The following CALN1 variants were observed in gnomAD, a reference collection of about 807,000 sequenced individuals.
The protein encoded by CALN1 is calneuron 1.
CALN1 carries 17 observed loss-of-function variants against 30.6 expected under a neutral mutation model. The observed-to-expected ratio is 0.56, with a 90% CI of 0.38 to 0.83. CALN1 has a LOEUF of 0.83. CALN1 is among the 40% of genes least tolerant of loss of function. CALN1 has a pLI of 0.00. For missense variants in CALN1, 291 were observed against 354.9 expected (o/e 0.82, Z 1.45); for synonymous variants, 156 against 131.4 (o/e 1.19, Z -1.28).
At chr7:72,298,580 A>G (rs1799027844) in intron 2 of CALN1, among the ~76,000 whole-genome samples, 1 of 152,140 alleles carries the variant, frequency 6.6e-6, no homozygotes, top group Non-Finnish European at 1.5e-5. Context: ...TTCTTGGTAG[A>G]CGTTCTGTAA....
chr7:72,327,781 T>C (rs1253269969), intron 2 of CALN1, among the ~76,000 whole-genome samples: 2 of 152,226 alleles, frequency 1.3e-5, no homozygotes, highest in Non-Finnish European at 2.9e-5. Flanking sequence ...GTATAAATTA[T>C]GCTTTCAGTA....
chr7:72,013,546 C>A (rs535175392), intron 5 of CALN1, among the ~76,000 whole-genome samples: 14 of 152,108 alleles, frequency 9.2e-5, no homozygotes, highest in South Asian at 6.3e-4. Flanking sequence ...GATACCATGC[C>A]CAGACTAATT....
intron 3 of CALN1, among the ~76,000 whole-genome samples, chr7:72,188,043 C>G (rs1790326683): frequency 1.3e-5 from 2 of 152,116 alleles, no homozygotes; most frequent in Admixed American, 6.6e-5. Flanking sequence ...ACTAGGACGG[C>G]CACTATGGAA....
chr7:72,065,922 A>G (rs1213343980), intron 4 of CALN1, among the ~76,000 whole-genome samples: 1 of 152,092 alleles, frequency 6.6e-6, no homozygotes, highest in Non-Finnish European at 1.5e-5. Context: ...AAAAAAAGAA[A>G]CAGCAAGGAT....
intron 6 of CALN1, among the ~76,000 whole-genome samples, chr7:71,793,613 C>G (rs10241320): frequency 6.6e-6 from 1 of 151,538 alleles, no homozygotes; most frequent in African/African-American, 2.4e-5. Context: ...GGCTCACACC[C>G]GTAATCCCAG....
chr7:71,888,834 G>A (rs1793072934), intron 5 of CALN1, among the ~76,000 whole-genome samples: 1 of 152,156 alleles, frequency 6.6e-6, no homozygotes, highest in African/African-American at 2.4e-5. Flanking sequence ...AGAGCTTGGG[G>A]TGGGGTGCTT....
the CALN1 span, among the ~76,000 whole-genome samples, chr7:72,470,992 G>A: frequency 6.6e-6 from 1 of 152,184 alleles, no homozygotes. Context: ...GTCTTGCTCT[G>A]TGGCCCAGGC....
intron 5 of CALN1, among the ~76,000 whole-genome samples, chr7:71,898,100 T>C (rs1301296313): frequency 3.0e-5 from 4 of 131,344 alleles, no homozygotes; most frequent in Non-Finnish European, 6.3e-5. Flanking sequence ...TAAAGAAAAA[T>C]AGTTGGATCA....
chr7:72,363,627 T>C (rs563447711), intron 2 of CALN1, among the ~76,000 whole-genome samples: 100 of 152,148 alleles, frequency 6.6e-4, no homozygotes, highest in African/African-American at 2.3e-3. Context: ...ACACAAAATG[T>C]TGAAAGTGAA....
At chr7:71,793,888 C>T (rs1174402886) in intron 6 of CALN1, among the ~76,000 whole-genome samples, 2 of 152,076 alleles carry the variant, frequency 1.3e-5, no homozygotes, top group East Asian at 3.9e-4. Flanking sequence ...CAAAAAGAAA[C>T]ACATACAAAA....
At chr7:72,371,515 G>A (rs150974478) in intron 2 of CALN1, among the ~76,000 whole-genome samples, 4 of 152,228 alleles carry the variant, frequency 2.6e-5, no homozygotes, top group East Asian at 1.9e-4. Context: ...CTGCCATCAT[G>A]TGAAGAAGGA....
intron 3 of CALN1, among the ~76,000 whole-genome samples, chr7:72,158,220 T>C (rs1283402918): frequency 6.6e-6 from 1 of 152,180 alleles, no homozygotes; most frequent in Non-Finnish European, 1.5e-5. Context: ...TCATGAGAGA[T>C]GCTGACAATA....
intron 5 of CALN1, among the ~76,000 whole-genome samples, chr7:71,819,370 G>A (rs922109718): frequency 9.2e-5 from 14 of 151,500 alleles, no homozygotes; most frequent in African/African-American, 2.9e-4. Context: ...CACCACACCC[G>A]GCTAATTCTT....
At chr7:71,801,236 A>C (rs1373493958) in intron 6 of CALN1, among the ~76,000 whole-genome samples, 1 of 152,110 alleles carries the variant, frequency 6.6e-6, no homozygotes, top group Non-Finnish European at 1.5e-5. Flanking sequence ...ACATTGAGAC[A>C]GGGTTTCGTT....
chr7:72,067,217 G>C (rs1170827514), intron 4 of CALN1, among the ~76,000 whole-genome samples: 1 of 152,176 alleles, frequency 6.6e-6, no homozygotes, highest in Non-Finnish European at 1.5e-5. Context: ...GGTAGAGCCT[G>C]ACATCTACAG....
chr7:72,400,645 G>A (rs1806279590), intron 2 of CALN1, among the ~76,000 whole-genome samples: 1 of 152,180 alleles, frequency 6.6e-6, no homozygotes, highest in African/African-American at 2.4e-5. Flanking sequence ...CAAGGCAGGT[G>A]TATCACTTGA....
chr7:71,919,795 A>T (rs1794846064), intron 5 of CALN1, among the ~76,000 whole-genome samples: 1 of 152,222 alleles, frequency 6.6e-6, no homozygotes, highest in Non-Finnish European at 1.5e-5. Flanking sequence ...ATGCTACAAG[A>T]ATCTGGTATA....
chr7:72,320,538 T>C (rs570528612), intron 2 of CALN1, among the ~76,000 whole-genome samples: 1 of 152,012 alleles, frequency 6.6e-6, no homozygotes, highest in African/African-American at 2.4e-5. Context: ...GTTGAGCAAT[T>C]AGAATTACAG....
chr7:71,903,728 T>G (rs1793983447), intron 5 of CALN1, among the ~76,000 whole-genome samples: 1 of 152,024 alleles, frequency 6.6e-6, no homozygotes, highest in African/African-American at 2.4e-5. Context: ...CTAAAAAGTT[T>G]TATACAGGAA....
Sources: allele counts gnomAD v4.1 joint callset (sites outside exome capture counted in the v4.1 genomes callset), GRCh38; gene constraint gnomAD v4.1.1; transcripts MANE v1.5; gene names NCBI Gene and HGNC (gene_info 2026-07-23, HGNC 2026-07-21).